LHFPL6: variants seen among roughly 807,000 people sequenced by gnomAD.
LHFPL6 encodes LHFPL tetraspan subfamily member 6 protein.
A neutral mutation model predicts 20.6 loss-of-function variants in LHFPL6; 9 were observed. The observed-to-expected ratio is 0.44, with a 90% confidence interval of 0.26 to 0.76. The LOEUF (loss-of-function observed/expected upper bound fraction) is 0.76, where lower values mean the gene tolerates loss of function less well. LHFPL6 is among the 30% of genes least tolerant of loss of function. The pLI is 0.20. For missense variants in LHFPL6, 218 were observed against 253.5 expected, an observed-to-expected ratio of 0.86 and a Z score of 0.95; for synonymous variants, 105 against 98.7, an observed-to-expected ratio of 1.06 and a Z score of -0.38.
rs138089301 is a variant in LHFPL6 at position 39,381,962 on chromosome 13, G to T, written c.386-3436C>A. On this transcript the variant is annotated intron_variant, in intron 2 of 3. Transcript: ENST00000379589. ...AGTCAGCAGCATATGCGTTGTTGAAGTATGGATGCTGGGATTGGCTGAGAT... is the reference window on the plus strand; with the variant it reads ...AGTCAGCAGCATATGCGTTGTTGAATTATGGATGCTGGGATTGGCTGAGAT... Among the ~76,000 whole-genome samples the T allele has an allele frequency of 4.2e-3, 640 of 152,250 alleles. 2 individuals carry two copies. Among genetic ancestry groups the T allele is most frequent in the Middle Eastern group, 0.024 (7 of 294 alleles).
intron 2 of LHFPL6, among the ~76,000 whole-genome samples, chr13:39,525,334 T>G (rs1193994442): frequency 1.3e-5 from 2 of 152,250 alleles, no homozygotes; most frequent in Non-Finnish European, 2.9e-5. Context: ...AAAAGCATTG[T>G]GACATAGTTC....
intron 2 of LHFPL6, among the ~76,000 whole-genome samples, chr13:39,427,666 T>C (rs1048096062): frequency 6.6e-6 from 1 of 152,222 alleles, no homozygotes; most frequent in African/African-American, 2.4e-5. Context: ...TTACACATTA[T>C]TGGATATGAC....
chr13:39,488,049 A>G (rs1868784940), intron 2 of LHFPL6, among the ~76,000 whole-genome samples: 2 of 152,212 alleles, frequency 1.3e-5, no homozygotes, highest in South Asian at 4.1e-4. Flanking sequence ...ATAAGATGGT[A>G]TTAAGAAGTG....
chr13:39,563,337 A>ACAGTC lies in LHFPL6; in HGVS notation c.385+37490_385+37494dup, dbSNP rs560043371. On this transcript the variant is annotated intron_variant, in intron 2 of 3. Transcript: ENST00000379589. ...GATCAAACAAGAAAACCCCTCTGTGACAGTCCATGCTGCCCCAAGTCACTA... is the reference window on the plus strand; with the variant it reads ...GATCAAACAAGAAAACCCCTCTGTGACAGTCCAGTCCATGCTGCCCCAAGTCACTA... Among the ~76,000 whole-genome samples, 920 of 152,302 alleles carry ACAGTC rather than the reference A, an allele frequency of 6.0e-3. 15 individuals carry two copies. The highest frequency in any genetic ancestry group is 7.5e-3 in the Non-Finnish European group (507 of 68,018).
intron 2 of LHFPL6, among the ~76,000 whole-genome samples, chr13:39,442,267 C>T (rs1872160799): frequency 6.6e-6 from 1 of 152,096 alleles, no homozygotes. Context: ...TTATAAATGT[C>T]ATATCACAAA....
At chr13:39,430,828 A>G (rs1022727092) in intron 2 of LHFPL6, among the ~76,000 whole-genome samples, 3 of 152,246 alleles carry the variant, frequency 2.0e-5, no homozygotes, top group African/African-American at 7.2e-5. Context: ...AAAATGGACC[A>G]ATCAGCAGGA....
At chr13:39,384,116 A>G (rs74044043) in intron 2 of LHFPL6, among the ~76,000 whole-genome samples, 1,887 of 152,330 alleles carry the variant, frequency 0.012, 38 homozygotes, top group African/African-American at 0.042. Flanking sequence ...CACTCACAAA[A>G]GGGCAGAAGA....
chr13:39,487,510 A>C (rs1868766427), intron 2 of LHFPL6, among the ~76,000 whole-genome samples: 1 of 152,340 alleles, frequency 6.6e-6, no homozygotes. Flanking sequence ...AGGGCTCAGC[A>C]TCTATATACC....
intron 2 of LHFPL6, among the ~76,000 whole-genome samples, chr13:39,452,105 T>TAA (rs34479336): frequency 9.5e-5 from 14 of 147,754 alleles, no homozygotes; most frequent in South Asian, 8.5e-4. Context: ...ACATCAAGGT[T>TAA]AAAAAAAAAA....
chr13:39,387,464 T>G (rs1566099870), intron 2 of LHFPL6, among the ~76,000 whole-genome samples: 2 of 146,150 alleles, frequency 1.4e-5, no homozygotes, highest in Non-Finnish European at 3.0e-5. Context: ...GGAGAATCGC[T>G]TGAACCGGGA....
chr13:39,589,030 T>C (rs1191770175), intron 2 of LHFPL6, among the ~76,000 whole-genome samples: 1 of 152,236 alleles, frequency 6.6e-6, no homozygotes, highest in Non-Finnish European at 1.5e-5. Flanking sequence ...ACTGAAGTGA[T>C]AAGCAGGTCA....
intron 2 of LHFPL6, among the ~76,000 whole-genome samples, chr13:39,433,036 C>A (rs1056235841): frequency 6.6e-6 from 1 of 152,174 alleles, no homozygotes; most frequent in South Asian, 2.1e-4. Flanking sequence ...TCCATTCAAG[C>A]TATCCAGTCA....
chr13:39,384,294 G>T (rs554561173), intron 2 of LHFPL6, among the ~76,000 whole-genome samples: 1 of 152,160 alleles, frequency 6.6e-6, no homozygotes, highest in East Asian at 1.9e-4. Flanking sequence ...ATGGTCTCTC[G>T]TTAGGAAATG....
intron 2 of LHFPL6, among the ~76,000 whole-genome samples, chr13:39,535,197 T>C (rs1261604122): frequency 6.6e-6 from 1 of 152,266 alleles, no homozygotes; most frequent in Non-Finnish European, 1.5e-5. Flanking sequence ...GACTTTATCT[T>C]AACTTGATTA....
At chr13:39,406,681 C>G (rs2138383379) in intron 2 of LHFPL6, among the ~76,000 whole-genome samples, 1 of 152,312 alleles carries the variant, frequency 6.6e-6, no homozygotes, top group Middle Eastern at 3.4e-3. Flanking sequence ...TTAATGTAAT[C>G]ACAGTGTTCA....
At chr13:39,460,420 A>C (rs1017533878) in intron 2 of LHFPL6, among the ~76,000 whole-genome samples, 1 of 152,244 alleles carries the variant, frequency 6.6e-6, no homozygotes, top group Non-Finnish European at 1.5e-5. Flanking sequence ...TGCTTTTGAC[A>C]CAACCTGGGC....
intron 2 of LHFPL6, among the ~76,000 whole-genome samples, chr13:39,406,118 C>A (rs146702426): frequency 1.4e-3 from 210 of 152,264 alleles, no homozygotes; most frequent in Non-Finnish European, 1.6e-3. Flanking sequence ...CAGTCCTGTG[C>A]CACAGAAAGT....
intron 3 of LHFPL6, among the ~76,000 whole-genome samples, chr13:39,368,326 G>A (rs1028913852): frequency 1.3e-5 from 2 of 151,262 alleles, no homozygotes; most frequent in Admixed American, 1.3e-4. Context: ...GCTCACGCCT[G>A]TAACCTCAGC....
chr13:39,503,818 C>T lies in LHFPL6; in HGVS notation c.385+97014G>A, dbSNP rs531119983. On this transcript the variant is annotated intron_variant, in intron 2 of 3. Transcript: ENST00000379589. ...AGTTTGACAAGCAGACTTATTTTGC[C>T]AATAACTTGCTGAATGCCTATTTAG... Among the ~76,000 whole-genome samples the T allele has an allele frequency of 7.2e-5, 11 of 152,270 alleles. No homozygotes were observed. In the South Asian group the frequency reaches 1.9e-3, roughly 26 times the overall value.
Sources: gnomAD v4.1 joint callset for allele counts (sites outside exome capture counted in the v4.1 genomes callset) on GRCh38, gnomAD v4.1.1 for gene constraint, MANE v1.5 for transcripts, NCBI Gene and HGNC (gene_info 2026-07-23, HGNC 2026-07-21) for gene names.